The following SUPV3L1 variants were observed in gnomAD, a reference collection of about 807,000 sequenced individuals.
SUPV3L1 encodes the protein Suv3 like RNA helicase.
Under a neutral mutation model 70.0 loss-of-function variants are expected in SUPV3L1, and 35 were observed. The ratio of observed to expected loss-of-function variants is 0.50; its 90% CI spans 0.38 to 0.66. The LOEUF (loss-of-function observed/expected upper bound fraction) is 0.66. SUPV3L1 is among the 30% of genes least tolerant of loss of function. The pLI, the probability that SUPV3L1 is intolerant of heterozygous loss-of-function variation, is 0.00. For missense variants in SUPV3L1, 777 were observed against 961.5 expected, an observed-to-expected ratio of 0.81 and a Z score of 2.54; for synonymous variants, 364 against 341.9, an observed-to-expected ratio of 1.06 and a Z score of -0.71.
chr10:69,192,660 G>T (rs1156808691), intron 6 of SUPV3L1: 1 of 152,134 alleles, frequency 6.6e-6, no homozygotes, highest in African/African-American at 2.4e-5. Context: ...GTTGTTTAAA[G>T]TTTTTTCCTG....
intron 3 of SUPV3L1, among the ~76,000 whole-genome samples, chr10:69,187,058 T>G (rs1465751410): frequency 1.3e-5 from 2 of 152,210 alleles, no homozygotes; most frequent in African/African-American, 4.8e-5. Flanking sequence ...GGAGAATTCT[T>G]GCTGAGGAAC....
chr10:69,184,755 G>C lies in SUPV3L1; in HGVS notation c.272-1232G>C, dbSNP rs142764603. On this transcript the variant is annotated intron_variant, in intron 1 of 14. Transcript: ENST00000359655. ...TTTATTAGTGGAATGCTTTGTTCAG[G>C]CTTGATTTCTTCAATGAGTGTTGTG... is the stretch of plus-strand genomic sequence containing the variant. Among the ~76,000 whole-genome samples, 1,070 of 152,090 alleles carry C rather than the reference G, an allele frequency of 7.0e-3. 11 individuals are homozygous for C. The highest frequency in any genetic ancestry group is 0.024 in the African/African-American group (1,014 of 41,490).
Position 69,208,961 on chromosome 10 carries a change from A to G in SUPV3L1, c.2287A>G (p.Asn763Asp), listed in dbSNP as rs777182796. ...KEWMTQQTEH[N>D]KEKTESGTHP... ...GTGGATGACACAACAAACTGAACAC[A>G]ACAAAGAAAAAACAGAGTCTGGGAC... Residue 763 changes from asparagine (N) to aspartate (D), a missense_variant, in exon 15 of 15, where the codon AAC (asparagine) becomes GAC (aspartate). Around this residue, in one of 2 missense-constraint regions of SUPV3L1, gnomAD observed 619 missense variants for 823.3 expected, o/e 0.75. Coordinates refer to ENST00000359655, the MANE Select transcript of SUPV3L1 (RefSeq NM_003171.5). 2.3e-5 allele frequency: 37 copies of G among 1,614,212 alleles called. 2 individuals are homozygous for G. In the South Asian group the frequency reaches 4.0e-4, roughly 17 times the overall value.
intron 1 of SUPV3L1, among the ~76,000 whole-genome samples, chr10:69,185,754 C>T (rs940455481): frequency 6.6e-6 from 1 of 152,108 alleles, no homozygotes; most frequent in Non-Finnish European, 1.5e-5. Context: ...CCCACCTCAG[C>T]CTCCCAAAGT....
intron 1 of SUPV3L1, among the ~76,000 whole-genome samples, chr10:69,182,102 C>T (rs1842082349): frequency 6.6e-6 from 1 of 151,594 alleles, no homozygotes; most frequent in African/African-American, 2.4e-5. Context: ...TCAAGCAATC[C>T]TCCTGGCTCA....
chr10:69,189,803 C>T (rs1225941887), intron 5 of SUPV3L1, among the ~76,000 whole-genome samples: 3 of 152,052 alleles, frequency 2.0e-5, no homozygotes, highest in African/African-American at 2.4e-5. Context: ...CCCACCACCA[C>T]GCCTGGCTAA....
Position 69,208,026 on chromosome 10 carries a change from T to A in SUPV3L1, c.1925+85T>A, listed in dbSNP as rs1321519749. 3 of 1,498,746 alleles carry A rather than the reference T, an allele frequency of 2.0e-6. No homozygotes were observed. In the African/African-American group the frequency reaches 4.2e-5, roughly 21 times the overall value. 92.8% of individuals were successfully genotyped at this position (1,498,746 alleles called of 1,614,324 possible). On this transcript the variant is annotated intron_variant, in intron 14 of 14. Transcript: ENST00000359655. The stretch of plus-strand genomic sequence containing the variant: ...ATGAATTTGTTTTTCTATTTCAAAT[T>A]ATGGACATATTTGCAAGATGCTCTA...
Position 69,202,869 on chromosome 10 carries a change from T to C in SUPV3L1, c.1602T>C (p.Asp534=). 2 of 1,610,440 alleles carry C rather than the reference T, an allele frequency of 1.2e-6. No individual in the cohort carries two copies. Among genetic ancestry groups the C allele is most frequent in the Non-Finnish European group, 8.5e-7 (1 of 1,178,180 alleles). Residue 534 remains aspartate, a splice_region_variant and synonymous_variant, in exon 13 of 15, where the codon GAT becomes GAC. Coordinates refer to ENST00000359655, the MANE Select transcript of SUPV3L1 (RefSeq NM_003171.5). ...ATTTCTGTCTTTTTTTCCCCAAGGATATTTTTGTAGACTTTTCACAAGTTG... is the reference window on the plus strand; with the variant it reads ...ATTTCTGTCTTTTTTTCCCCAAGGACATTTTTGTAGACTTTTCACAAGTTG... The part of the protein sequence containing the change: ...LPDATLSNLI[D]IFVDFSQVDG...
chr10:69,208,865 C>T lies in SUPV3L1; in HGVS notation c.2191C>T (p.Leu731=), dbSNP rs1842907505. The T allele has an allele frequency of 1.2e-6, 2 of 1,614,152 alleles. No homozygotes were observed. The highest frequency in any genetic ancestry group is 8.5e-7 in the Non-Finnish European group (1 of 1,180,018). ...TEPPSPDAGE[L]SLASRLVQQG... ...GCCACCCAGCCCCGATGCAGGAGAG[C>T]TGTCCCTTGCTTCCAGATTGGTGCA... Residue 731 remains leucine, a synonymous_variant, in exon 15 of 15, where the codon CTG becomes TTG. Transcript: ENST00000359655.
chr10:69,183,668 G>A (rs1842132726), intron 1 of SUPV3L1, among the ~76,000 whole-genome samples: 1 of 152,158 alleles, frequency 6.6e-6, no homozygotes, highest in Non-Finnish European at 1.5e-5. Flanking sequence ...GGTGACAAGA[G>A]TGAGACCCTG....
At chr10:69,183,275 A>G (rs562227784) in intron 1 of SUPV3L1, among the ~76,000 whole-genome samples, 82 of 152,318 alleles carry the variant, frequency 5.4e-4, no homozygotes, top group African/African-American at 1.8e-3. Context: ...GCTTAGTCTA[A>G]ATTGCCAGCT....
chr10:69,189,654 T>A (rs941040169), intron 5 of SUPV3L1, among the ~76,000 whole-genome samples: 5 of 149,764 alleles, frequency 3.3e-5, no homozygotes, highest in Non-Finnish European at 7.4e-5. Context: ...TTCTTTTTTT[T>A]TTTTTTTTTT....
intron 13 of SUPV3L1, 95 bp from the exon 14 acceptor site, chr10:69,207,698 A>G (rs1842866612): frequency 1.5e-5 from 21 of 1,398,206 alleles, no homozygotes; most frequent in Admixed American, 2.7e-5. Flanking sequence ...TACAACCACA[A>G]TGTTTTGTTT....
chr10:69,208,312 A>G (rs1291356920), intron 14 of SUPV3L1, among the ~76,000 whole-genome samples: 7 of 152,208 alleles, frequency 4.6e-5, no homozygotes, highest in Admixed American at 3.3e-4. Flanking sequence ...TCACTTGTAC[A>G]TTATCATTTG....
intron 4 of SUPV3L1, among the ~76,000 whole-genome samples, chr10:69,189,021 A>G (rs73276593): frequency 0.042 from 6,357 of 152,324 alleles, 467 homozygotes; most frequent in African/African-American, 0.14. Flanking sequence ...AGAGATTTGT[A>G]CAATGGGAAA....
At position 69,208,722 on chromosome 10, in the gene SUPV3L1, A is replaced by G. The variant is rs751833290; in HGVS notation, c.2048A>G (p.His683Arg). The G allele has an allele frequency of 6.2e-7, 1 of 1,614,244 alleles. No individual in the cohort carries two copies. The highest frequency in any genetic ancestry group is 1.1e-5 in the South Asian group (1 of 91,088). Residue 683 changes from histidine to arginine, a missense_variant, in exon 15 of 15, where the codon CAT (histidine) becomes CGT (arginine). Around this residue, in one of 2 missense-constraint regions of SUPV3L1, gnomAD observed 619 missense variants for 823.3 expected, o/e 0.75. Coordinates refer to ENST00000359655, the MANE Select transcript of SUPV3L1 (RefSeq NM_003171.5). ...ITKLIKMSET[H>R]KLLNLEGFPS... ...AAATTGATTAAAATGTCTGAGACGC[A>G]TAAGCTGTTGAATTTGGAGGGCTTT... is the stretch of plus-strand genomic sequence containing the variant.
chr10:69,182,770 C>A, intron 1 of SUPV3L1: 2 of 759,230 alleles, frequency 2.6e-6, no homozygotes, highest in Non-Finnish European at 3.2e-6. Context: ...TCTGATATAG[C>A]CATGTGGTTA....
chr10:69,183,176 C>T (rs1445824899), intron 1 of SUPV3L1, among the ~76,000 whole-genome samples: 4 of 152,232 alleles, frequency 2.6e-5, no homozygotes, highest in Non-Finnish European at 5.9e-5. Flanking sequence ...CTACATCTAA[C>T]AATCAGAGAA....
intron 5 of SUPV3L1, among the ~76,000 whole-genome samples, chr10:69,189,809 G>C (rs977405703): frequency 2.6e-5 from 4 of 152,000 alleles, no homozygotes; most frequent in Non-Finnish European, 5.9e-5. Context: ...ACCACGCCTG[G>C]CTAATTTTTT....
Sources: gnomAD v4.1 joint callset for allele counts (sites outside exome capture counted in the v4.1 genomes callset) on GRCh38, gnomAD v4.1.1 for gene constraint, gnomAD v4.1.1 regional missense constraint, MANE v1.5 for transcripts, NCBI Gene and HGNC (gene_info 2026-07-23, HGNC 2026-07-21) for gene names.